Variants in LHFPL3 observed in about 807,000 individuals in gnomAD.
LHFPL3 encodes LHFPL tetraspan subfamily member 3 protein.
LHFPL3 carries 5 observed loss-of-function variants against 19.3 expected under a neutral mutation model. That is an observed-to-expected ratio of 0.26 (90% CI 0.14 to 0.54). LHFPL3 has a LOEUF of 0.54. Among genes scored for constraint, LHFPL3 ranks in the 20% least tolerant of loss-of-function variants. The probability of loss-of-function intolerance (pLI) is 0.94; values close to 1 mark genes in which losing one functional copy is unlikely to be tolerated. For synonymous variants in LHFPL3, 133 were observed against 126.2 expected, an observed-to-expected ratio of 1.05 and a Z score of -0.36; for missense variants, 249 against 307.4, an observed-to-expected ratio of 0.81 and a Z score of 1.42.
At chr7:104,864,600 T>G (rs1007051850) in intron 2 of LHFPL3, among the ~76,000 whole-genome samples, 4 of 152,154 alleles carry the variant, frequency 2.6e-5, no homozygotes, top group Non-Finnish European at 4.4e-5. Flanking sequence ...CCAGGAAGCT[T>G]GAACTGGGTA....
chr7:104,788,123 T>TG (rs1789955993), intron 2 of LHFPL3, among the ~76,000 whole-genome samples: 1 of 152,136 alleles, frequency 6.6e-6, no homozygotes, highest in South Asian at 2.1e-4. Flanking sequence ...TGCTCACGCG[T>TG]GGGGGAAAAC....
intron 2 of LHFPL3, among the ~76,000 whole-genome samples, chr7:104,873,344 A>G (rs1791870852): frequency 1.3e-5 from 2 of 152,236 alleles, no homozygotes; most frequent in Non-Finnish European, 2.9e-5. Context: ...TTATTTTAAA[A>G]GATAAACAGT....
intron 1 of LHFPL3, among the ~76,000 whole-genome samples, chr7:104,728,067 T>C (rs1359192416): frequency 6.6e-6 from 1 of 152,162 alleles, no homozygotes; most frequent in African/African-American, 2.4e-5. Flanking sequence ...ATGCTTGGGA[T>C]GTGGGTCAAA....
intron 2 of LHFPL3, among the ~76,000 whole-genome samples, chr7:104,893,037 C>G (rs1460920166): frequency 1.3e-5 from 2 of 151,922 alleles, no homozygotes; most frequent in Non-Finnish European, 2.9e-5. Context: ...GAGAAACTAT[C>G]TCTACAGAAA....
At chr7:104,750,661 T>A (rs1794146904) in intron 2 of LHFPL3, among the ~76,000 whole-genome samples, 1 of 152,248 alleles carries the variant, frequency 6.6e-6, no homozygotes, top group Non-Finnish European at 1.5e-5. Flanking sequence ...AGAGACTGCT[T>A]GTATAGTACA....
chr7:104,368,642 C>T (rs571765304), intron 1 of LHFPL3, among the ~76,000 whole-genome samples: 2 of 127,038 alleles, frequency 1.6e-5, no homozygotes, highest in Admixed American at 8.4e-5. Flanking sequence ...ACATGGTGTG[C>T]ACACATGTAC....
At chr7:104,539,073 C>T (rs1265667334) in intron 1 of LHFPL3, among the ~76,000 whole-genome samples, 1 of 152,150 alleles carries the variant, frequency 6.6e-6, no homozygotes, top group African/African-American at 2.4e-5. Flanking sequence ...AGATTTTCCC[C>T]TAGAGCCTCC....
chr7:104,639,900 A>G (rs981298862), intron 1 of LHFPL3, among the ~76,000 whole-genome samples: 2 of 152,190 alleles, frequency 1.3e-5, no homozygotes, highest in Non-Finnish European at 2.9e-5. Context: ...TAATTATTCT[A>G]TGATCTTTTT....
chr7:104,575,246 C>T (rs1653016402), intron 1 of LHFPL3, among the ~76,000 whole-genome samples: 2 of 152,148 alleles, frequency 1.3e-5, no homozygotes, highest in Admixed American at 1.3e-4. Flanking sequence ...TATCAAGACC[C>T]CTGGTTTTCA....
At chr7:104,367,560 A>C (rs1790519687) in intron 1 of LHFPL3, among the ~76,000 whole-genome samples, 1 of 152,230 alleles carries the variant, frequency 6.6e-6, no homozygotes, top group Non-Finnish European at 1.5e-5. Flanking sequence ...GATGTTAAGC[A>C]GATGGAACAG....
intron 1 of LHFPL3, among the ~76,000 whole-genome samples, chr7:104,484,507 T>C (rs947576917): frequency 2.0e-5 from 3 of 152,226 alleles, no homozygotes; most frequent in African/African-American, 4.8e-5. Context: ...CCTTGGCTTC[T>C]CATTTACTTT....
intron 1 of LHFPL3, among the ~76,000 whole-genome samples, chr7:104,711,936 T>C (rs1191618176): frequency 1.3e-5 from 2 of 152,204 alleles, no homozygotes; most frequent in East Asian, 3.8e-4. Context: ...TACTACTATG[T>C]GTAACATTAT....
chr7:104,574,791 C>T (rs1193765282), intron 1 of LHFPL3, among the ~76,000 whole-genome samples: 1 of 152,036 alleles, frequency 6.6e-6, no homozygotes. Context: ...CCCATACACC[C>T]TTAGGGTTTT....
chr7:104,824,487 A>AAT (rs1185048510), intron 2 of LHFPL3, among the ~76,000 whole-genome samples: 1 of 66,080 alleles, frequency 1.5e-5, no homozygotes, highest in Non-Finnish European at 2.5e-5. Flanking sequence ...AATTATATAT[A>AAT]ATCTATAATT....
intron 2 of LHFPL3, among the ~76,000 whole-genome samples, chr7:104,760,617 AT>A (rs11436198): frequency 4.6e-5 from 7 of 151,950 alleles, no homozygotes; most frequent in African/African-American, 9.7e-5. Flanking sequence ...TCCTAGTGTC[AT>A]TTTTTTAAGC....
chr7:104,607,267 A>C (rs1245172842), intron 1 of LHFPL3, among the ~76,000 whole-genome samples: 1 of 152,240 alleles, frequency 6.6e-6, no homozygotes, highest in East Asian at 1.9e-4. Context: ...GACAGTGTGG[A>C]GGTCAGAGGC....
At chr7:104,794,263 G>C (rs1191353596) in intron 2 of LHFPL3, among the ~76,000 whole-genome samples, 1 of 152,172 alleles carries the variant, frequency 6.6e-6, no homozygotes, top group Non-Finnish European at 1.5e-5. Flanking sequence ...CCCCAGACCT[G>C]AAACTTCTTG....
intron 1 of LHFPL3, among the ~76,000 whole-genome samples, chr7:104,380,354 A>T (rs1305368142): frequency 6.6e-6 from 1 of 152,200 alleles, no homozygotes; most frequent in African/African-American, 2.4e-5. Flanking sequence ...TGTGGTAAAT[A>T]GGAAACAATA....
intron 1 of LHFPL3, among the ~76,000 whole-genome samples, chr7:104,528,336 C>T (rs1287711193): frequency 1.3e-5 from 2 of 152,020 alleles, no homozygotes; most frequent in African/African-American, 4.8e-5. Context: ...GTTAACTTCC[C>T]CTTGAAGTAT....
Sources: allele counts gnomAD v4.1 joint callset (sites outside exome capture counted in the v4.1 genomes callset), GRCh38; gene constraint gnomAD v4.1.1; transcripts MANE v1.5; gene names NCBI Gene and HGNC (gene_info 2026-07-23, HGNC 2026-07-21).